NFIA: variants seen among roughly 807,000 people sequenced by gnomAD.
NFIA encodes nuclear factor 1 A-type.
NFIA carries 8 observed loss-of-function variants against 62.8 expected under a neutral mutation model. The ratio of observed to expected loss-of-function variants is 0.13; its 90% confidence interval spans 0.07 to 0.23. The LOEUF is 0.23. NFIA is among the 10% of genes least tolerant of loss of function. NFIA has a pLI of 1.00. For synonymous variants in NFIA, 235 were observed against 238.1 expected, an observed-to-expected ratio of 0.99 and a Z score of 0.12; for missense variants, 410 against 642.1, an observed-to-expected ratio of 0.64 and a Z score of 3.91.
chr1:61,184,998 C>T (rs1275450974), intron 2 of NFIA, among the ~76,000 whole-genome samples: 2 of 152,166 alleles, frequency 1.3e-5, no homozygotes, highest in Admixed American at 1.3e-4. Flanking sequence ...GACTGCTTAA[C>T]GTTAATATGA....
intron 10 of NFIA, among the ~76,000 whole-genome samples, chr1:61,427,080 C>G (rs1391908487): frequency 6.6e-6 from 1 of 152,088 alleles, no homozygotes; most frequent in Admixed American, 6.5e-5. Context: ...TTAGTGGTTA[C>G]TGCTGACCAC....
At position 61,406,654 on chromosome 1, in the gene NFIA, G is replaced by A; in HGVS notation, c.1347G>A (p.Val449=). The A allele has an allele frequency of 6.2e-7, 1 of 1,605,914 alleles. No homozygotes were observed. Among genetic ancestry groups the A allele is most frequent in the Non-Finnish European group, 8.5e-7 (1 of 1,176,092 alleles). ...PPPPPPMARP[V]PLPVPDTKPP... ...CGCCACCACCGATGGCCAGGCCTGT[G>A]CCTCTGCCGGTGCCAGACACAAAGC... The change falls in exon 9 of 11, where the codon GTG becomes GTA. Residue 449 remains valine (V), a synonymous_variant. Coordinates refer to ENST00000403491, the MANE Select transcript of NFIA (RefSeq NM_001134673.4).
Position 61,194,928 on chromosome 1 carries a change from A to G in NFIA, c.560-82592A>G, listed in dbSNP as rs910147719. Among the ~76,000 whole-genome samples the G allele has an allele frequency of 2.2e-4, 34 of 152,334 alleles. 1 individual carries two copies. Among genetic ancestry groups the G allele is most frequent in the African/African-American group, 7.9e-4 (33 of 41,586 alleles). On this transcript the variant is annotated intron_variant, in intron 2 of 10. Transcript: ENST00000403491. ...TAGAGCTCTTTTCATTTTCAAAGAT[A>G]TCTAAGTAAACACAGCATAGAATTC...
At chr1:61,338,772 G>T (rs146534716) in intron 4 of NFIA, among the ~76,000 whole-genome samples, 1 of 152,132 alleles carries the variant, frequency 6.6e-6, no homozygotes, top group African/African-American at 2.4e-5. Flanking sequence ...AGTCATTTGG[G>T]GTGCCATTTA....
Position 61,165,578 on chromosome 1 carries a change from T to C in NFIA, c.559+76898T>C, listed in dbSNP as rs147241498. Among the ~76,000 whole-genome samples, 8 of 152,342 alleles carry C rather than the reference T, an allele frequency of 5.3e-5. No homozygotes were observed. The South Asian group carries it at 8.3e-4, about 16-fold the overall frequency. ...AAATTGACTCGTGTGATATTTTTGC[T>C]TACACCTTTCTGCAGCTTAACTGCT... is the stretch of plus-strand genomic sequence containing the variant. On this transcript the variant is annotated intron_variant, in intron 2 of 10. Coordinates refer to ENST00000403491, the MANE Select transcript of NFIA (RefSeq NM_001134673.4).
At chr1:61,261,036 T>C (rs1382848752) in intron 2 of NFIA, among the ~76,000 whole-genome samples, 1 of 152,260 alleles carries the variant, frequency 6.6e-6, no homozygotes, top group Non-Finnish European at 1.5e-5. Context: ...TCTTAGGACC[T>C]ACAATTCTTA....
Position 61,380,987 on chromosome 1 carries a change from A to G in NFIA, c.947-2250A>G, listed in dbSNP as rs558049043. ...TTCTGCAGTATTTAGAATGGCATGA[A>G]TTAGAAAACATGAATTTTTCAAAGA... On this transcript the variant is annotated intron_variant, in intron 6 of 10. Transcript: ENST00000403491. 5.9e-5 allele frequency among the ~76,000 whole-genome samples: 9 copies of G among 152,258 alleles called. No individual in the cohort carries two copies. The East Asian group carries it at 1.7e-3, about 29-fold the overall frequency.
At chr1:61,453,842 G>A (rs1255321475) in intron 10 of NFIA, among the ~76,000 whole-genome samples, 1 of 152,032 alleles carries the variant, frequency 6.6e-6, no homozygotes, top group African/African-American at 2.4e-5. Context: ...CTAGATTTAG[G>A]CCATGTGTAT....
intron 2 of NFIA, among the ~76,000 whole-genome samples, chr1:61,212,384 A>T (rs901195576): frequency 1.3e-5 from 2 of 152,236 alleles, no homozygotes; most frequent in Non-Finnish European, 2.9e-5. Context: ...AGAAAGCATG[A>T]GTTTTGAATT....
chr1:61,107,737 C>T (rs980360927), intron 2 of NFIA, among the ~76,000 whole-genome samples: 1 of 151,392 alleles, frequency 6.6e-6, no homozygotes, highest in Non-Finnish European at 1.5e-5. Context: ...TGAAGATATC[C>T]TTTTTTACTC....
intron 9 of NFIA, among the ~76,000 whole-genome samples, chr1:61,414,220 C>T (rs772466726): frequency 2.6e-5 from 4 of 151,988 alleles, no homozygotes; most frequent in Admixed American, 6.5e-5. Flanking sequence ...TGGCCTCAAG[C>T]GGTCCACCTG....
intron 2 of NFIA, among the ~76,000 whole-genome samples, chr1:61,097,424 C>T (rs543649495): frequency 7.2e-5 from 11 of 152,140 alleles, no homozygotes; most frequent in Non-Finnish European, 1.5e-4. Flanking sequence ...GTAGCAGCTG[C>T]CATTTTCAGG....
At chr1:61,152,572 T>C in intron 2 of NFIA, among the ~76,000 whole-genome samples, 1 of 152,226 alleles carries the variant, frequency 6.6e-6, no homozygotes, top group East Asian at 1.9e-4. Context: ...AAATTCTCAT[T>C]TTAGAAGATT....
chr1:61,335,610 A>G (rs1007998516), intron 4 of NFIA, among the ~76,000 whole-genome samples: 1 of 152,192 alleles, frequency 6.6e-6, no homozygotes, highest in Non-Finnish European at 1.5e-5. Context: ...TGGGAGGCCA[A>G]GGCGGGTGGA....
intron 2 of NFIA, among the ~76,000 whole-genome samples, chr1:61,091,636 G>A (rs1646321709): frequency 6.6e-6 from 1 of 152,090 alleles, no homozygotes; most frequent in African/African-American, 2.4e-5. Context: ...GTGGCAAATG[G>A]TTTTCTTTGT....
At chr1:61,161,858 A>G (rs1649235166) in intron 2 of NFIA, among the ~76,000 whole-genome samples, 1 of 152,192 alleles carries the variant, frequency 6.6e-6, no homozygotes, top group Non-Finnish European at 1.5e-5. Flanking sequence ...ATCTTTAGGA[A>G]AAGATTAAAG....
At chr1:61,259,484 G>T (rs1656621094) in intron 2 of NFIA, among the ~76,000 whole-genome samples, 1 of 152,208 alleles carries the variant, frequency 6.6e-6, no homozygotes, top group African/African-American at 2.4e-5. Context: ...AGGCACGTGG[G>T]AGTTATATAC....
intron 9 of NFIA, among the ~76,000 whole-genome samples, chr1:61,413,890 T>G (rs1666228223): frequency 6.6e-6 from 1 of 152,074 alleles, no homozygotes; most frequent in Non-Finnish European, 1.5e-5. Flanking sequence ...CCTCCCAAAG[T>G]GCTGGGATTA....
intron 2 of NFIA, among the ~76,000 whole-genome samples, chr1:61,246,178 C>A (rs545686965): frequency 1.3e-5 from 2 of 151,982 alleles, no homozygotes; most frequent in African/African-American, 2.4e-5. Flanking sequence ...ATATAGTTAT[C>A]CTGTTGTGAA....
Sources: allele counts gnomAD v4.1 joint callset (sites outside exome capture counted in the v4.1 genomes callset), GRCh38; gene constraint gnomAD v4.1.1; transcripts MANE v1.5; gene names NCBI Gene and HGNC (gene_info 2026-07-23, HGNC 2026-07-21).